MYCBP2: variants seen among roughly 807,000 people sequenced by gnomAD.
MYCBP2 encodes E3 ubiquitin-protein ligase MYCBP2.
Under a neutral mutation model 525.3 loss-of-function variants are expected in MYCBP2, and 120 were observed. The observed-to-expected ratio is 0.23, with a 90% CI of 0.20 to 0.27. The LOEUF (loss-of-function observed/expected upper bound fraction) is 0.27, where lower values mean the gene tolerates loss of function less well. Ranked by LOEUF, MYCBP2 falls within the 10% of genes least tolerant of loss-of-function variation. The probability of loss-of-function intolerance (pLI) is 1.00; values close to 1 mark genes in which losing one functional copy is unlikely to be tolerated. For synonymous variants in MYCBP2, 1,894 were observed against 1,955.8 expected, an observed-to-expected ratio of 0.97 and a Z score of 0.83; for missense variants, 4,149 against 5,657.1, an observed-to-expected ratio of 0.73 and a Z score of 8.55.
At chr13:77,271,533 C>T (rs539564196) in intron 5 of MYCBP2, among the ~76,000 whole-genome samples, 173 of 152,284 alleles carry the variant, frequency 1.1e-3, no homozygotes, top group African/African-American at 3.7e-3. Context: ...TGAATTCCCA[C>T]GTGTTGTGGA....
intron 17 of MYCBP2, among the ~76,000 whole-genome samples, chr13:77,234,948 C>A (rs2067683375): frequency 6.6e-6 from 1 of 152,006 alleles, no homozygotes; most frequent in Non-Finnish European, 1.5e-5. Flanking sequence ...TAAATTCAAT[C>A]TTTTTAGAAT....
intron 40 of MYCBP2, among the ~76,000 whole-genome samples, chr13:77,167,208 TAAAC>T (rs1224001522): frequency 1.3e-5 from 2 of 152,222 alleles, no homozygotes; most frequent in Non-Finnish European, 2.9e-5. Flanking sequence ...TATCTGTACA[TAAAC>T]ATATATACAT....
At chr13:77,046,705 C>G (rs1211878606) in intron 82 of MYCBP2, among the ~76,000 whole-genome samples, 5 of 152,166 alleles carry the variant, frequency 3.3e-5, no homozygotes, top group Admixed American at 2.6e-4. Context: ...GACAGCTAAT[C>G]TCAGAGAAGT....
At chr13:77,325,114 A>G (rs1440565205) in intron 1 of MYCBP2, among the ~76,000 whole-genome samples, 1 of 152,212 alleles carries the variant, frequency 6.6e-6, no homozygotes, top group East Asian at 1.9e-4. Flanking sequence ...ACATGAGAAA[A>G]CTGGTTAACC....
In MYCBP2 at chr13:77,083,009, G is replaced by A. The variant is rs988914596; in HGVS notation, c.11036+23C>T. 1.9e-6 allele frequency: 3 copies of A among 1,603,228 alleles called. No individual in the cohort carries two copies. In the Admixed American group the frequency reaches 5.1e-5, roughly 27 times the overall value. On this transcript the variant is annotated intron_variant, in intron 63 of 82. Transcript: ENST00000544440. ...TAAACTCTCTTGTCCAATGTACCTA[G>A]GATATGTGGATACCAAAATTACCTC...
intron 37 of MYCBP2, among the ~76,000 whole-genome samples, chr13:77,173,518 G>C (rs909775951): frequency 1.3e-5 from 2 of 152,176 alleles, no homozygotes; most frequent in African/African-American, 4.8e-5. Context: ...GATGGAAAGA[G>C]GAAGCAGAAA....
intron 1 of MYCBP2, among the ~76,000 whole-genome samples, chr13:77,299,501 G>A (rs547653521): frequency 1.3e-5 from 2 of 152,236 alleles, no homozygotes; most frequent in Admixed American, 1.3e-4. Context: ...AAAAGAGCCA[G>A]TAATAAGTTG....
intron 18 of MYCBP2, among the ~76,000 whole-genome samples, chr13:77,228,168 A>C (rs1277912675): frequency 2.0e-5 from 3 of 152,126 alleles, no homozygotes; most frequent in Non-Finnish European, 4.4e-5. Flanking sequence ...AGTGGCCAAA[A>C]ATTTAGTCCA....
At position 77,251,186 on chromosome 13, in the gene MYCBP2, A is replaced by G; in HGVS notation, c.2346T>C (p.Cys782=). Residue 782 remains cysteine, a synonymous_variant, in exon 15 of 83, where the codon TGT becomes TGC. Coordinates refer to ENST00000544440, the MANE Select transcript of MYCBP2 (RefSeq NM_015057.5). ...CGDCTGYGAS[C]VSSGRPDRVP... is the part of the protein sequence containing the mutation. ...CTCTGTCTGGCCGTCCACTACTGAC[A>G]CAGCTGGCTCCATAACCTGTACAGT... 4 of 1,614,158 alleles carry G rather than the reference A, an allele frequency of 2.5e-6. No individual in the cohort carries two copies. Among genetic ancestry groups the G allele is most frequent in the Non-Finnish European group, 3.4e-6 (4 of 1,180,036 alleles).
chr13:77,302,294 C>A (rs947137883), intron 1 of MYCBP2, among the ~76,000 whole-genome samples: 1 of 145,714 alleles, frequency 6.9e-6, no homozygotes, highest in Non-Finnish European at 1.5e-5. Context: ...AAGAGAAAAT[C>A]TTTAAAGCAG....
intron 55 of MYCBP2, among the ~76,000 whole-genome samples, chr13:77,104,767 A>T (rs533499861): frequency 1.6e-4 from 24 of 152,246 alleles, no homozygotes; most frequent in Non-Finnish European, 2.8e-4. Context: ...TCACAGACTG[A>T]CTACAGCAGT....
At chr13:77,200,582 C>T (rs1485164721) in intron 26 of MYCBP2, among the ~76,000 whole-genome samples, 6 of 152,092 alleles carry the variant, frequency 3.9e-5, no homozygotes, top group Non-Finnish European at 8.8e-5. Context: ...CTCCAAGGCA[C>T]ATAATTGTCA....
intron 20 of MYCBP2, among the ~76,000 whole-genome samples, chr13:77,221,096 T>G (rs775509747): frequency 5.3e-5 from 8 of 152,292 alleles, no homozygotes; most frequent in Non-Finnish European, 1.2e-4. Flanking sequence ...CCAGGTTCGA[T>G]GACTATGTAG....
chr13:77,310,436 C>T (rs2154375405), intron 1 of MYCBP2, among the ~76,000 whole-genome samples: 1 of 152,090 alleles, frequency 6.6e-6, no homozygotes, highest in East Asian at 1.9e-4. Context: ...TGGAACACAG[C>T]CATGCTTATC....
intron 80 of MYCBP2, among the ~76,000 whole-genome samples, chr13:77,052,408 A>G (rs921003134): frequency 1.3e-5 from 2 of 152,350 alleles, no homozygotes; most frequent in Admixed American, 6.5e-5. Context: ...TATGCTGCCC[A>G]GGCTGGTCTC....
chr13:77,313,966 C>T (rs1364914368), intron 1 of MYCBP2, among the ~76,000 whole-genome samples: 4 of 151,840 alleles, frequency 2.6e-5, no homozygotes, highest in African/African-American at 9.7e-5. Context: ...CTACTACACA[C>T]CTATCAGAAT....
intron 76 of MYCBP2, among the ~76,000 whole-genome samples, 165 bp from the exon 77 acceptor site, chr13:77,059,791 G>C (rs1354701504): frequency 1.3e-5 from 2 of 152,100 alleles, no homozygotes; most frequent in Non-Finnish European, 2.9e-5. Context: ...TAATTATAAA[G>C]TAAATAATGA....
chr13:77,306,461 G>C (rs1264231458), intron 1 of MYCBP2, among the ~76,000 whole-genome samples: 2 of 152,108 alleles, frequency 1.3e-5, no homozygotes, highest in Non-Finnish European at 2.9e-5. Flanking sequence ...TCAGTCTCTT[G>C]ATCTTATTTG....
At chr13:77,130,646 G>A (rs923399552) in intron 52 of MYCBP2, among the ~76,000 whole-genome samples, 5 of 152,082 alleles carry the variant, frequency 3.3e-5, no homozygotes, top group Admixed American at 3.3e-4. Context: ...AGAGCATTTT[G>A]AAGTGCTATG....
Sources: gnomAD v4.1 joint callset for allele counts (sites outside exome capture counted in the v4.1 genomes callset) on GRCh38, gnomAD v4.1.1 for gene constraint, MANE v1.5 for transcripts, NCBI Gene and HGNC (gene_info 2026-07-23, HGNC 2026-07-21) for gene names.